The following GALNT14 variants were observed in gnomAD, a reference collection of about 807,000 sequenced individuals.
GALNT14 encodes the protein polypeptide N-acetylgalactosaminyltransferase 14.
A neutral mutation model predicts 77.5 loss-of-function variants in GALNT14; 60 were observed. The observed-to-expected ratio is 0.77, with a 90% CI of 0.63 to 0.96. The LOEUF (loss-of-function observed/expected upper bound fraction) is 0.96, where lower values mean the gene tolerates loss of function less well. Among genes scored for constraint, GALNT14 ranks in the 40% least tolerant of loss-of-function variants. The probability of loss-of-function intolerance (pLI) is 0.00; values close to 1 mark genes in which losing one functional copy is unlikely to be tolerated. For missense variants in GALNT14, 710 were observed against 731.0 expected, an observed-to-expected ratio of 0.97 and a Z score of 0.33; for synonymous variants, 280 against 281.7, an observed-to-expected ratio of 0.99 and a Z score of 0.06.
intron 1 of GALNT14, among the ~76,000 whole-genome samples, chr2:31,134,054 C>A (rs1031756485): frequency 1.3e-5 from 2 of 152,196 alleles, no homozygotes; most frequent in Non-Finnish European, 2.9e-5. Flanking sequence ...TTTCATCCCG[C>A]CCTCTTTGGA....
chr2:31,093,756 T>C (rs1466648158), intron 1 of GALNT14, among the ~76,000 whole-genome samples: 1 of 152,232 alleles, frequency 6.6e-6, no homozygotes, highest in Non-Finnish European at 1.5e-5. Context: ...ATCCAGCAGG[T>C]GTTGAATGCA....
At chr2:31,102,800 TTC>T (rs1413399831) in intron 1 of GALNT14, among the ~76,000 whole-genome samples, 1 of 152,124 alleles carries the variant, frequency 6.6e-6, no homozygotes, top group African/African-American at 2.4e-5. Flanking sequence ...CTCCTAAAAT[TTC>T]TGTGTTTTCA....
chr2:30,907,591 C>A (rs1664177806), downstream of GALNT14, among the ~76,000 whole-genome samples: 1 of 152,028 alleles, frequency 6.6e-6, no homozygotes, highest in Non-Finnish European at 1.5e-5. Context: ...CAAAAAGAGT[C>A]CAGGACCAGA....
At chr2:31,046,972 A>C (rs1167665712) in intron 1 of GALNT14, among the ~76,000 whole-genome samples, 1 of 152,352 alleles carries the variant, frequency 6.6e-6, no homozygotes, top group East Asian at 1.9e-4. Context: ...GAGAAACTAA[A>C]GTTCCGGGCA....
At chr2:31,111,993 TG>T (rs1385669783) in intron 1 of GALNT14, among the ~76,000 whole-genome samples, 3,947 of 149,502 alleles carry the variant, frequency 0.026, 141 homozygotes, top group African/African-American at 0.095. Context: ...ACTGTGTACT[TG>T]CTTTTTTTTT....
intron 1 of GALNT14, among the ~76,000 whole-genome samples, chr2:31,005,490 G>A (rs1670618660): frequency 6.6e-6 from 1 of 152,206 alleles, no homozygotes; most frequent in African/African-American, 2.4e-5. Flanking sequence ...GAAGTGAGAT[G>A]AGACATGAAA....
intron 1 of GALNT14, among the ~76,000 whole-genome samples, chr2:30,996,178 G>A (rs1458089902): frequency 6.6e-6 from 1 of 152,166 alleles, no homozygotes; most frequent in Non-Finnish European, 1.5e-5. Flanking sequence ...GGCACCCTGT[G>A]GCCCAGTCAA....
chr2:31,121,192 T>G (rs1363937285), intron 1 of GALNT14, among the ~76,000 whole-genome samples: 1 of 152,228 alleles, frequency 6.6e-6, no homozygotes, highest in East Asian at 1.9e-4. Flanking sequence ...GCCATGGCCC[T>G]GCCAAGGCTT....
chr2:30,986,758 A>C (rs186205738), intron 2 of GALNT14, among the ~76,000 whole-genome samples: 1 of 152,296 alleles, frequency 6.6e-6, no homozygotes, highest in African/African-American at 2.4e-5. Context: ...TTTAAAACAC[A>C]TCACCTACCT....
chr2:31,096,366 C>G (rs1464908469), intron 1 of GALNT14, among the ~76,000 whole-genome samples: 2 of 152,160 alleles, frequency 1.3e-5, no homozygotes, highest in African/African-American at 2.4e-5. Context: ...CTCACAGTGG[C>G]TAGGAAAAAT....
intron 2 of GALNT14, among the ~76,000 whole-genome samples, chr2:30,969,815 G>C (rs932941712): frequency 6.6e-6 from 1 of 152,140 alleles, no homozygotes; most frequent in Non-Finnish European, 1.5e-5. Flanking sequence ...TCTGTAACAC[G>C]GAATGGGCCC....
rs1477705606 is a variant in GALNT14 at position 31,114,704 on chromosome 2, A to T, written c.129+23254T>A. On this transcript the variant is annotated intron_variant, in intron 1 of 14. Coordinates refer to ENST00000349752, the MANE Select transcript of GALNT14 (RefSeq NM_024572.4). Reference sequence around the variant, plus strand: ...GAAGGGGAAAAAGGAACAAATACAAAAGAGACAAGAATTTAACAAATGGAA... The same window carrying T: ...GAAGGGGAAAAAGGAACAAATACAATAGAGACAAGAATTTAACAAATGGAA... 7.1e-5 allele frequency: 51 copies of T among 713,576 alleles called. No individual in the cohort carries two copies. In the East Asian group the frequency reaches 1.3e-3, roughly 19 times the overall value. The allele number at this position is 713,576 out of a possible 1,614,324, so 44.2% of individuals were successfully genotyped here.
At chr2:31,054,384 C>A (rs1035895351) in intron 1 of GALNT14, among the ~76,000 whole-genome samples, 1 of 152,214 alleles carries the variant, frequency 6.6e-6, no homozygotes, top group African/African-American at 2.4e-5. Flanking sequence ...CTTTCCCCAG[C>A]TGCCTGATCT....
intron 1 of GALNT14, among the ~76,000 whole-genome samples, chr2:31,042,374 G>T (rs1418460641): frequency 5.3e-5 from 8 of 152,176 alleles, no homozygotes; most frequent in African/African-American, 1.7e-4. Context: ...ATCGAGGTGG[G>T]TGCTATGAAA....
chr2:30,992,751 G>A lies in GALNT14; in HGVS notation c.299+87C>T, dbSNP rs1339349085. On this transcript the variant is annotated intron_variant, in intron 2 of 14. Transcript: ENST00000349752. ...ATGGTCCAGCCCGGTTCTTAGCACT[G>A]GTGCTGCATACAGCAGGCCCCAGAT... The A allele has an allele frequency of 2.8e-6, 4 of 1,435,276 alleles. No individual in the cohort carries two copies. In the Admixed American group the frequency reaches 7.3e-5, roughly 26 times the overall value. The allele number at this position is 1,435,276 out of a possible 1,614,324, so 88.9% of individuals were successfully genotyped here.
chr2:30,944,579 G>A (rs559637590), intron 8 of GALNT14, among the ~76,000 whole-genome samples: 6 of 152,238 alleles, frequency 3.9e-5, no homozygotes, highest in East Asian at 3.9e-4. Flanking sequence ...CTCAACCAAC[G>A]TTGGGCTCCG....
At chr2:31,088,532 A>G (rs13392394) in intron 1 of GALNT14, among the ~76,000 whole-genome samples, 12,184 of 152,210 alleles carry the variant, frequency 0.08, 550 homozygotes, top group South Asian at 0.11. Flanking sequence ...GATGTGTGGC[A>G]CAGGCTTGGG....
At chr2:30,890,949 G>T in the GALNT14 span, among the ~76,000 whole-genome samples, 2 of 152,122 alleles carry the variant, frequency 1.3e-5, no homozygotes, top group Non-Finnish European at 1.5e-5. Flanking sequence ...CATAAAGCCA[G>T]CCTGAGACCA....
chr2:30,962,878 C>T (rs1433065643), intron 3 of GALNT14, among the ~76,000 whole-genome samples: 2 of 152,198 alleles, frequency 1.3e-5, no homozygotes, highest in Admixed American at 1.3e-4. Flanking sequence ...AGTCCCCTCT[C>T]AGTGGCTAGT....
Sources: gnomAD v4.1 joint callset for allele counts (sites outside exome capture counted in the v4.1 genomes callset) on GRCh38, gnomAD v4.1.1 for gene constraint, MANE v1.5 for transcripts, NCBI Gene and HGNC (gene_info 2026-07-23, HGNC 2026-07-21) for gene names.